HIP1R: variants seen among roughly 807,000 people sequenced by gnomAD.
The protein encoded by HIP1R is huntingtin interacting protein 1 related.
Under a neutral mutation model 144.2 loss-of-function variants are expected in HIP1R, and 135 were observed. The observed-to-expected ratio is 0.94, with a 90% confidence interval of 0.81 to 1.08. HIP1R has a LOEUF of 1.08. HIP1R is among the 50% of genes least tolerant of loss of function. The pLI, the probability that HIP1R is intolerant of heterozygous loss-of-function variation, is 0.00. For missense variants in HIP1R, 1,462 were observed against 1,432.8 expected (o/e 1.02, Z -0.33); for synonymous variants, 698 against 612.8 (o/e 1.14, Z -2.05).
intron 18 of HIP1R, chr12:122,857,697 C>A: frequency 3.7e-6 from 1 of 273,534 alleles, no homozygotes; most frequent in Non-Finnish European, 7.0e-6. Flanking sequence ...ACACTCCCAC[C>A]AGCAACGCAT....
chr12:122,851,388 G>C (rs753421789), intron 7 of HIP1R, 91 bp downstream of exon 7: 1 of 1,078,578 alleles, frequency 9.3e-7, no homozygotes, highest in Non-Finnish European at 1.3e-6. Flanking sequence ...TGAGTGATCA[G>C]ACCAACTGAT....
chr12:122,857,105 G>C lies in HIP1R; in HGVS notation c.1705G>C (p.Asp569His). The change falls in exon 18 of 32, where the codon GAC becomes CAC. Residue 569 changes from aspartate (D) to histidine (H), a missense_variant. Around this residue, in one of 2 missense-constraint regions of HIP1R, gnomAD observed 1,112 missense variants for 1,011.7 expected, o/e 1.10. Transcript: ENST00000253083. Reference protein sequence around the residue: ...LSGAVRQREADLLAAQSLVRE... With the variant: ...LSGAVRQREAHLLAAQSLVRE... ...TGGAGCTGTGCGGCAGCGGGAGGCA[G>C]ACCTGCTGGCGGCGCAGAGCCTGGT... The C allele has an allele frequency of 1.9e-6, 3 of 1,551,128 alleles. No individual in the cohort carries two copies. Among genetic ancestry groups the C allele is most frequent in the African/African-American group, 2.7e-5 (2 of 73,240 alleles).
At position 122,856,717 on chromosome 12, in the gene HIP1R, C is replaced by T. The variant is rs765081658; in HGVS notation, c.1611C>T (p.His537=). Residue 537 remains histidine (H), a synonymous_variant, in exon 17 of 32, where the codon CAC becomes CAT. Coordinates refer to ENST00000253083, the MANE Select transcript of HIP1R (RefSeq NM_003959.3). ...ELARAQEALS[H]TEQSKSELSS... Reference sequence around the variant, plus strand: ...CCCGCGCGCAGGAGGCCCTGAGCCACACAGAGCAGGTGCATCTGGCTTTGA... The same window carrying T: ...CCCGCGCGCAGGAGGCCCTGAGCCATACAGAGCAGGTGCATCTGGCTTTGA... The T allele has an allele frequency of 8.9e-6, 14 of 1,574,694 alleles. No homozygotes were observed. In the East Asian group the frequency reaches 2.1e-4, roughly 23 times the overall value.
chr12:122,837,354 C>T (rs1367610920), intron 1 of HIP1R, among the ~76,000 whole-genome samples: 4 of 149,892 alleles, frequency 2.7e-5, no homozygotes, highest in Non-Finnish European at 4.4e-5. Context: ...GAGTCTCTCT[C>T]GTTGCCCAGG....
intron 1 of HIP1R, among the ~76,000 whole-genome samples, chr12:122,841,448 G>A (rs761428021): frequency 6.6e-6 from 1 of 152,196 alleles, no homozygotes. Flanking sequence ...GCAGGGCCGC[G>A]TCGTAAGTGG....
rs1379447622 is a variant in HIP1R, at chr12:122,860,727, C to T, written c.2709C>T (p.Leu903=). 1.2e-6 allele frequency: 2 copies of T among 1,613,160 alleles called. No homozygotes were observed. The highest frequency in any genetic ancestry group is 1.7e-6 in the Non-Finnish European group (2 of 1,179,976). The stretch of plus-strand genomic sequence containing the variant: ...TTCACACGGGCAAGTATGAGGAGCT[C>T]ATCGTCTGCTCCCACGAGATCGCAG... ...VVLHTGKYEE[L]IVCSHEIAAS... is the part of the protein sequence containing the mutation. The change falls in exon 28 of 32, where the codon CTC becomes CTT. Residue 903 remains leucine (L), a synonymous_variant. Transcript: ENST00000253083.
In HIP1R at chr12:122,850,089, A is replaced by T. The variant is rs1245400018; in HGVS notation, c.438+134A>T. The T allele has an allele frequency of 1.2e-5, 9 of 725,262 alleles. No homozygotes were observed. In the Admixed American group the frequency reaches 1.8e-4, roughly 14 times the overall value. The allele number at this position is 725,262 out of a possible 1,614,324, so 44.9% of individuals were successfully genotyped here. Reference sequence around the variant, plus strand: ...TCTTTCCATTCACCTTCTTGTCCCAACTATGACTAAAGGGGAGACGGGGAA... The same window carrying T: ...TCTTTCCATTCACCTTCTTGTCCCATCTATGACTAAAGGGGAGACGGGGAA... On this transcript the variant is annotated intron_variant, in intron 5 of 31. Transcript: ENST00000253083.
At chr12:122,858,768 C>G (rs2033673929) in intron 20 of HIP1R, 70 bp from the exon 21 acceptor site, 1 of 1,106,556 alleles carries the variant, frequency 9.0e-7, no homozygotes, top group Admixed American at 1.7e-5. Context: ...TAGCTGGCCA[C>G]CGACGGTGGT....
At chr12:122,858,486 C>A in intron 20 of HIP1R, 51 bp downstream of exon 20, 1 of 1,420,862 alleles carries the variant, frequency 7.0e-7, no homozygotes, top group South Asian at 1.3e-5. Flanking sequence ...CCAGTTCCAG[C>A]GCCCATGGCC....
Position 122,859,117 on chromosome 12 carries a change from C to G in HIP1R, c.2215C>G (p.Leu739Val), listed in dbSNP as rs759827525. Residue 739 changes from leucine (L) to valine (V), a missense_variant, in exon 22 of 32, where the codon CTG (leucine) becomes GTG (valine). By Grantham distance (32) the Leu-to-Val change is conservative. Coordinates refer to ENST00000253083, the MANE Select transcript of HIP1R (RefSeq NM_003959.3). ...CCGGGCTCTGGAGCTCATGGGGCAG[C>G]TGCAGGACCAGCAGGCTCTGCGGCA... ...GARALELMGQ[L>V]QDQQALRHMQ... The G allele has an allele frequency of 1.3e-6, 2 of 1,597,714 alleles. No homozygotes were observed. The highest frequency in any genetic ancestry group is 2.7e-5 in the African/African-American group (2 of 74,568).
chr12:122,834,874 T>C (rs1593852571), upstream of HIP1R: 3 of 972,682 alleles, frequency 3.1e-6, no homozygotes, highest in East Asian at 1.2e-4. Flanking sequence ...GAGAGTGTCA[T>C]TGTGTGCCTT....
chr12:122,847,172 TC>T (rs66538025), intron 1 of HIP1R, among the ~76,000 whole-genome samples: 145,604 of 152,240 alleles, frequency 0.96, 69,663 homozygotes, highest in East Asian at 0.98. Flanking sequence ...GCAGACCTGT[TC>T]CCTGCATGAG....
chr12:122,855,633 C>G (rs772628140), intron 12 of HIP1R, 21 bp downstream of exon 12: 22 of 1,549,534 alleles, frequency 1.4e-5, no homozygotes, highest in Non-Finnish European at 1.7e-5. Context: ...GAGGAGCCGA[C>G]TGGGCTGGGG....
At chr12:122,835,014 C>G, upstream of HIP1R, 1 of 1,285,426 alleles carries the variant, frequency 7.8e-7, no homozygotes, top group South Asian at 1.2e-5. Context: ...TTAGTGAGTT[C>G]GGAGGAGGGG....
Position 122,847,823 on chromosome 12 carries a change from T to A in HIP1R, c.94-208T>A, listed in dbSNP as rs539524083. 6.5e-4 allele frequency among the ~76,000 whole-genome samples: 99 copies of A among 152,312 alleles called. 1 individual carries two copies. The highest frequency in any genetic ancestry group is 2.3e-3 in the African/African-American group (96 of 41,562). On this transcript the variant is annotated intron_variant, in intron 1 of 31. Coordinates refer to ENST00000253083, the MANE Select transcript of HIP1R (RefSeq NM_003959.3). ...CCTTGTCCCCTGACTCCTGGAGCTC[T>A]TGGTGTTCACTGTAGTTCCAGCTGC...
At position 122,852,758 on chromosome 12, in the gene HIP1R, C is replaced by A. The variant is rs556173961; in HGVS notation, c.578-1285C>A. Among the ~76,000 whole-genome samples the A allele has an allele frequency of 8.1e-4, 124 of 152,182 alleles. 1 individual carries two copies. Among genetic ancestry groups the A allele is most frequent in the African/African-American group, 2.6e-3 (108 of 41,524 alleles). ...TGGTGGGAAGAGAGATGTGTCGAAT[C>A]TGGGATGGCCGGGAAGATCTAGAAA... is the stretch of plus-strand genomic sequence containing the variant. On this transcript the variant is annotated intron_variant, in intron 7 of 31. Transcript: ENST00000253083.
At position 122,861,027 on chromosome 12, in the gene HIP1R, A is replaced by G. The variant is rs772399112; in HGVS notation, c.2878A>G (p.Ile960Val). ...VASTKSGQEQ[I>V]EDRDTMDFSG... Reference sequence around the variant, plus strand: ...CTCCACCAAGTCAGGCCAGGAGCAGATTGAGGACAGAGGTGAGTGCCAGAT... The same window carrying G: ...CTCCACCAAGTCAGGCCAGGAGCAGGTTGAGGACAGAGGTGAGTGCCAGAT... The change falls in exon 29 of 32, where the codon ATT becomes GTT. Residue 960 changes from isoleucine (I) to valine (V), a missense_variant. Transcript: ENST00000253083. 6.2e-7 allele frequency: 1 copy of G among 1,613,686 alleles called. No individual in the cohort carries two copies. Among genetic ancestry groups the G allele is most frequent in the South Asian group, 1.1e-5 (1 of 91,082 alleles).
chr12:122,842,235 C>T (rs529506813), intron 1 of HIP1R, among the ~76,000 whole-genome samples: 4 of 152,330 alleles, frequency 2.6e-5, no homozygotes, highest in East Asian at 1.9e-4. Context: ...CTTTGAAGAA[C>T]GTTCTTGTCC....
chr12:122,860,899 G>C lies in HIP1R; in HGVS notation c.2767-17G>C, dbSNP rs1344782645. The C allele has an allele frequency of 3.1e-6, 5 of 1,606,036 alleles. No homozygotes were observed. Among genetic ancestry groups the C allele is most frequent in the Non-Finnish European group, 4.2e-6 (5 of 1,176,698 alleles). Reference sequence around the variant, plus strand: ...GAGCTGGGAGACCTGGGCCCACCCTGACCTCTCGCCCCTCAGGTGAAGGCC... The same window carrying C: ...GAGCTGGGAGACCTGGGCCCACCCTCACCTCTCGCCCCTCAGGTGAAGGCC... On this transcript the variant is annotated splice_polypyrimidine_tract_variant and intron_variant, in intron 28 of 31. Coordinates refer to ENST00000253083, the MANE Select transcript of HIP1R (RefSeq NM_003959.3).
Sources: allele counts gnomAD v4.1 joint callset (sites outside exome capture counted in the v4.1 genomes callset), GRCh38; gene constraint gnomAD v4.1.1; regional missense constraint gnomAD v4.1.1; transcripts MANE v1.5; gene names NCBI Gene and HGNC (gene_info 2026-07-23, HGNC 2026-07-21).